MTMR12: variants seen among roughly 807,000 people sequenced by gnomAD.
MTMR12 encodes myotubularin related protein 12, also known as myotubularin-related protein 12.
Under a neutral mutation model 96.7 loss-of-function variants are expected in MTMR12, and 33 were observed. That is an observed-to-expected ratio of 0.34 (90% CI 0.26 to 0.46). The LOEUF (loss-of-function observed/expected upper bound fraction) is 0.46, where lower values mean the gene tolerates loss of function less well. MTMR12 is among the 20% of genes least tolerant of loss of function. The probability of loss-of-function intolerance (pLI) is 1.00; values close to 1 mark genes in which losing one functional copy is unlikely to be tolerated. For missense variants in MTMR12, 721 were observed against 896.1 expected (o/e 0.80, Z 2.49); for synonymous variants, 298 against 327.2 (o/e 0.91, Z 0.96).
chr5:32,252,549 T>C (rs1748976665), intron 8 of MTMR12, among the ~76,000 whole-genome samples: 1 of 152,238 alleles, frequency 6.6e-6, no homozygotes, highest in Non-Finnish European at 1.5e-5. Flanking sequence ...AGATCAGTGG[T>C]TCTCAAACTT....
intron 7 of MTMR12, among the ~76,000 whole-genome samples, chr5:32,257,546 G>A (rs1581607329): frequency 6.6e-6 from 1 of 152,102 alleles, no homozygotes; most frequent in East Asian, 1.9e-4. Context: ...TGAGGTGGGT[G>A]TATCATGAGG....
intron 11 of MTMR12, among the ~76,000 whole-genome samples, chr5:32,242,785 G>A (rs979321760): frequency 4.6e-5 from 7 of 151,816 alleles, no homozygotes; most frequent in African/African-American, 1.7e-4. Flanking sequence ...ATTTATCCCT[G>A]TCTGCCATTA....
intron 1 of MTMR12, among the ~76,000 whole-genome samples, chr5:32,310,583 T>C (rs1291024285): frequency 6.6e-6 from 1 of 152,152 alleles, no homozygotes; most frequent in Non-Finnish European, 1.5e-5. Context: ...CACTTATTTG[T>C]GGGAGCTAAA....
chr5:32,227,635 C>G lies in MTMR12; in HGVS notation c.*2143G>C, dbSNP rs903121564. The G allele has an allele frequency of 6.6e-6, 1 of 152,542 alleles. No individual in the cohort carries two copies. The highest frequency in any genetic ancestry group is 6.6e-5 in the Admixed American group (1 of 15,262). The allele number at this position is 152,542 out of a possible 1,614,324, so 9.4% of individuals were successfully genotyped here. ...TACTGTATAAATATTCACGTTATAA[C>G]GTGGTAACAAAAATAGCTCCATAGC... On this transcript the variant is annotated 3_prime_UTR_variant, in exon 16 of 16. Coordinates refer to ENST00000382142, the MANE Select transcript of MTMR12 (RefSeq NM_001040446.3).
chr5:32,229,052 G>GGAGTGCA lies in MTMR12; in HGVS notation c.*719_*725dup, dbSNP rs1747887263. On this transcript the variant is annotated 3_prime_UTR_variant, in exon 16 of 16. Coordinates refer to ENST00000382142, the MANE Select transcript of MTMR12 (RefSeq NM_001040446.3). ...ACTGGGACTACACGCACCAAGGCAG[G>GGAGTGCA]GAGTGCAGAGGGACAGCGGCGAGTG... is the stretch of plus-strand genomic sequence containing the variant. 6.6e-6 allele frequency: 1 copy of GGAGTGCA among 152,464 alleles called. No homozygotes were observed. Among genetic ancestry groups the GGAGTGCA allele is most frequent in the African/African-American group, 2.4e-5 (1 of 41,438 alleles). The allele number at this position is 152,464 out of a possible 1,614,324, so 9.4% of individuals were successfully genotyped here.
intron 1 of MTMR12, among the ~76,000 whole-genome samples, chr5:32,302,588 G>C (rs1386514391): frequency 6.6e-6 from 1 of 151,536 alleles, no homozygotes; most frequent in Non-Finnish European, 1.5e-5. Flanking sequence ...ATGGTGGCAC[G>C]AGCCTGTAAT....
intron 5 of MTMR12, among the ~76,000 whole-genome samples, 194 bp downstream of exon 5, chr5:32,270,623 G>A (rs115193471): frequency 0.012 from 1,758 of 152,316 alleles, 15 homozygotes; most frequent in Admixed American, 0.019. Flanking sequence ...AAGGTAGCAT[G>A]TGCCAAGATG....
intron 1 of MTMR12, among the ~76,000 whole-genome samples, chr5:32,283,011 C>T (rs1018016135): frequency 2.6e-5 from 4 of 152,160 alleles, no homozygotes; most frequent in African/African-American, 4.8e-5. Flanking sequence ...CAACAAGGTA[C>T]GAGAGCACCC....
rs1330942392 is a variant in MTMR12 at position 32,233,655 on chromosome 5, T to C, written c.1674+118A>G. 7.1e-7 allele frequency: 1 copy of C among 1,401,790 alleles called. No individual in the cohort carries two copies. The highest frequency in any genetic ancestry group is 1.4e-5 in the African/African-American group (1 of 70,416). The allele number at this position is 1,401,790 out of a possible 1,614,324, so 86.8% of individuals were successfully genotyped here. On this transcript the variant is annotated intron_variant, in intron 15 of 15. Transcript: ENST00000382142. This position sits in a 1 kb window ranked among gnomAD's most constrained non-coding sequence, Gnocchi z 5.0. ...CAATTTGACCATCACAAGTCTCAACTCTGCAGACTGCTTCGAGGGGTAGAA... is the reference window on the plus strand; with the variant it reads ...CAATTTGACCATCACAAGTCTCAACCCTGCAGACTGCTTCGAGGGGTAGAA...
At chr5:32,268,163 C>T (rs1295095163) in intron 6 of MTMR12, among the ~76,000 whole-genome samples, 1 of 152,016 alleles carries the variant, frequency 6.6e-6, no homozygotes, top group East Asian at 1.9e-4. Context: ...CGCAACCAAT[C>T]AAACAATCCC....
intron 1 of MTMR12, among the ~76,000 whole-genome samples, chr5:32,300,228 C>A (rs998505343): frequency 8.5e-5 from 13 of 152,156 alleles, no homozygotes; most frequent in Admixed American, 6.5e-4. Context: ...CAGCACCTAG[C>A]AGTTGTTGAG....
At chr5:32,261,824 G>C (rs952159638) in intron 7 of MTMR12, among the ~76,000 whole-genome samples, 1 of 152,244 alleles carries the variant, frequency 6.6e-6, no homozygotes, top group Non-Finnish European at 1.5e-5. Context: ...TGTAATCCCA[G>C]CACTTTGGGA....
intron 1 of MTMR12, among the ~76,000 whole-genome samples, chr5:32,302,081 G>A (rs1348011990): frequency 2.0e-5 from 3 of 152,072 alleles, no homozygotes; most frequent in Non-Finnish European, 4.4e-5. Context: ...TTATACATAA[G>A]CCCTATCTTA....
Position 32,312,550 on chromosome 5 carries a change from G to A in MTMR12, c.81+208C>T, listed in dbSNP as rs991767088. Among the ~76,000 whole-genome samples, 1 of 152,128 alleles carries A rather than the reference G, an allele frequency of 6.6e-6. No individual in the cohort carries two copies. Among genetic ancestry groups the A allele is most frequent in the African/African-American group, 2.4e-5 (1 of 41,440 alleles). ...TCCAGCGCTCGGGCCCTGCGCTCAG[G>A]CACCTGCCTGCCTGCGCCGGGGTCC... is the stretch of plus-strand genomic sequence containing the variant. On this transcript the variant is annotated intron_variant, in intron 1 of 15. Transcript: ENST00000382142. This position sits in a 1 kb window ranked among gnomAD's most constrained non-coding sequence, Gnocchi z 5.0.
intron 1 of MTMR12, among the ~76,000 whole-genome samples, chr5:32,304,413 G>A (rs1385415871): frequency 6.6e-6 from 1 of 151,952 alleles, no homozygotes; most frequent in Non-Finnish European, 1.5e-5. Flanking sequence ...TCATTGCTTT[G>A]GTTAAGGTAC....
chr5:32,233,990 C>A lies in MTMR12; in HGVS notation c.1513-56G>T. ...TCCAGGGAGGGCTGAGGAAGGCAAA[C>A]ACATACTTCTGGACACAGGCACCAG... On this transcript the variant is annotated intron_variant, in intron 14 of 15. Transcript: ENST00000382142. This position sits in a 1 kb window ranked among gnomAD's most constrained non-coding sequence, Gnocchi z 5.0. The A allele has an allele frequency of 6.2e-7, 1 of 1,602,690 alleles. No homozygotes were observed. The highest frequency in any genetic ancestry group is 8.5e-7 in the Non-Finnish European group (1 of 1,171,316).
chr5:32,254,954 T>A (rs1044776603), intron 8 of MTMR12, among the ~76,000 whole-genome samples: 1 of 152,244 alleles, frequency 6.6e-6, no homozygotes, highest in African/African-American at 2.4e-5. Context: ...TGGCATATAC[T>A]GCCTAGCACT....
chr5:32,242,489 C>T (rs1317670537), intron 11 of MTMR12, among the ~76,000 whole-genome samples: 2 of 152,290 alleles, frequency 1.3e-5, no homozygotes, highest in Non-Finnish European at 2.9e-5. Context: ...GATTGCTTTA[C>T]TTAAGGTGAC....
chr5:32,312,654 G>T lies in MTMR12; in HGVS notation c.81+104C>A. On this transcript the variant is annotated intron_variant, in intron 1 of 15. Transcript: ENST00000382142. This position sits in a 1 kb window ranked among gnomAD's most constrained non-coding sequence, Gnocchi z 5.0. ...GGCTGCCCCGTCGCCCGGCACAAGG[G>T]CAGGAAGCGCTCCGCGGCGCTCCCC... 1 of 1,102,484 alleles carries T rather than the reference G, an allele frequency of 9.1e-7. No individual in the cohort carries two copies. Among genetic ancestry groups the T allele is most frequent in the Non-Finnish European group, 1.2e-6 (1 of 858,494 alleles). The allele number at this position is 1,102,484 out of a possible 1,614,324, so 68.3% of individuals were successfully genotyped here.
Sources: gnomAD v4.1 joint callset for allele counts (sites outside exome capture counted in the v4.1 genomes callset) on GRCh38, gnomAD v4.1.1 for gene constraint, Gnocchi (gnomAD v3.1) non-coding constraint, MANE v1.5 for transcripts, NCBI Gene and HGNC (gene_info 2026-07-23, HGNC 2026-07-21) for gene names.